Variants in CNTNAP2 observed in about 807,000 individuals in gnomAD.
The protein encoded by CNTNAP2 is contactin-associated protein-like 2.
CNTNAP2 carries 98 observed loss-of-function variants against 155.2 expected under a neutral mutation model. The observed-to-expected ratio is 0.63, with a 90% CI of 0.54 to 0.75. The LOEUF is 0.75. Ranked by LOEUF, CNTNAP2 falls within the 30% of genes least tolerant of loss-of-function variation. The pLI, the probability that CNTNAP2 is intolerant of heterozygous loss-of-function variation, is 0.00. For synonymous variants in CNTNAP2, 651 were observed against 631.2 expected, an observed-to-expected ratio of 1.03 and a Z score of -0.47; for missense variants, 1,727 against 1,688.1, an observed-to-expected ratio of 1.02 and a Z score of -0.40.
At chr7:147,606,661 A>T (rs1406686903) in intron 12 of CNTNAP2, among the ~76,000 whole-genome samples, 1 of 152,244 alleles carries the variant, frequency 6.6e-6, no homozygotes, top group Non-Finnish European at 1.5e-5. Flanking sequence ...ACCTTAACAG[A>T]GTAGTGGCTA....
intron 7 of CNTNAP2, among the ~76,000 whole-genome samples, chr7:147,130,011 T>C (rs1187792068): frequency 4.6e-5 from 7 of 152,154 alleles, no homozygotes; most frequent in Admixed American, 4.6e-4. Context: ...AGAACAATAC[T>C]GCAAGAAGGA....
At chr7:147,309,808 T>C (rs535847870) in intron 9 of CNTNAP2, among the ~76,000 whole-genome samples, 1 of 152,274 alleles carries the variant, frequency 6.6e-6, no homozygotes. Context: ...TCATGGGGGT[T>C]TGATGTACAG....
chr7:148,082,469 G>A (rs1345013382), intron 15 of CNTNAP2, among the ~76,000 whole-genome samples: 2 of 152,138 alleles, frequency 1.3e-5, no homozygotes, highest in Non-Finnish European at 2.9e-5. Flanking sequence ...AGGCATATGA[G>A]GCGAGGCTAG....
intron 21 of CNTNAP2, among the ~76,000 whole-genome samples, chr7:148,333,561 G>A (rs866518499): frequency 1.4e-4 from 22 of 152,134 alleles, no homozygotes; most frequent in African/African-American, 5.1e-4. Context: ...CCATCACTAC[G>A]AAAGGCTACC....
chr7:146,163,908 C>T (rs141203884), intron 1 of CNTNAP2, among the ~76,000 whole-genome samples: 1 of 152,250 alleles, frequency 6.6e-6, no homozygotes, highest in Non-Finnish European at 1.5e-5. Flanking sequence ...AGACCCAGCT[C>T]TCTTCAGACT....
chr7:148,300,981 A>G (rs555100782), intron 21 of CNTNAP2, among the ~76,000 whole-genome samples: 1 of 152,242 alleles, frequency 6.6e-6, no homozygotes, highest in Non-Finnish European at 1.5e-5. Context: ...ACTTAATGCC[A>G]CTGACTTGTA....
chr7:146,151,666 A>G (rs187897253), intron 1 of CNTNAP2, among the ~76,000 whole-genome samples: 2,111 of 63,992 alleles, frequency 0.033, 150 homozygotes, highest in African/African-American at 0.12. Flanking sequence ...ATATATATAT[A>G]TATATATATA....
intron 1 of CNTNAP2, among the ~76,000 whole-genome samples, chr7:146,210,311 G>A (rs972810726): frequency 2.6e-5 from 4 of 152,168 alleles, no homozygotes; most frequent in African/African-American, 9.7e-5. Flanking sequence ...CTTGAGTGAT[G>A]TAGTACACAA....
intron 3 of CNTNAP2, among the ~76,000 whole-genome samples, chr7:146,855,852 T>TATATATAC (rs1554401384): frequency 1.2e-4 from 12 of 100,050 alleles, no homozygotes; most frequent in Non-Finnish European, 1.5e-4. Context: ...TATATATATA[T>TATATATAC]ACACACTTAC....
intron 10 of CNTNAP2, among the ~76,000 whole-genome samples, chr7:147,410,289 C>T (rs546938073): frequency 5.3e-5 from 8 of 152,240 alleles, no homozygotes; most frequent in African/African-American, 1.7e-4. Flanking sequence ...AACACAGGAA[C>T]AGAAAACCAA....
chr7:146,715,253 A>T (rs1801166689), intron 1 of CNTNAP2, among the ~76,000 whole-genome samples: 1 of 152,024 alleles, frequency 6.6e-6, no homozygotes, highest in African/African-American at 2.4e-5. Flanking sequence ...TATTGCTTGA[A>T]CCCAGGAGGG....
At chr7:147,587,022 C>G (rs6963584) in intron 12 of CNTNAP2, among the ~76,000 whole-genome samples, 104,963 of 152,044 alleles carry the variant, frequency 0.69, 36,790 homozygotes, top group African/African-American at 0.81. Flanking sequence ...TACTGGCAAC[C>G]TAACAAACCA....
intron 1 of CNTNAP2, among the ~76,000 whole-genome samples, chr7:146,224,339 T>C (rs1799256309): frequency 6.6e-6 from 1 of 152,114 alleles, no homozygotes; most frequent in Non-Finnish European, 1.5e-5. Context: ...GACGGTTTTA[T>C]TGTAATACAA....
intron 21 of CNTNAP2, among the ~76,000 whole-genome samples, chr7:148,315,492 G>A (rs940306229): frequency 6.6e-6 from 1 of 152,112 alleles, no homozygotes; most frequent in Non-Finnish European, 1.5e-5. Context: ...AGTTAAGGCA[G>A]GAACAGGCCA....
At chr7:146,400,289 A>T (rs1328039767) in intron 1 of CNTNAP2, among the ~76,000 whole-genome samples, 2 of 151,928 alleles carry the variant, frequency 1.3e-5, no homozygotes, top group Non-Finnish European at 2.9e-5. Flanking sequence ...TATGAAAAAA[A>T]GGAGGCTGGG....
chr7:147,653,746 C>T (rs1795484535), intron 13 of CNTNAP2, among the ~76,000 whole-genome samples: 1 of 152,188 alleles, frequency 6.6e-6, no homozygotes, highest in South Asian at 2.1e-4. Context: ...CAGGTCTGTT[C>T]AGCCAGCCTG....
chr7:148,037,228 T>C (rs1356724248), intron 15 of CNTNAP2, among the ~76,000 whole-genome samples: 1 of 152,234 alleles, frequency 6.6e-6, no homozygotes, highest in Non-Finnish European at 1.5e-5. Context: ...AAGTCACTTA[T>C]ATCTTGCTCC....
At chr7:147,965,947 C>T (rs1801201651) in intron 14 of CNTNAP2, among the ~76,000 whole-genome samples, 2 of 152,140 alleles carry the variant, frequency 1.3e-5, no homozygotes, top group African/African-American at 4.8e-5. Flanking sequence ...AAACAAATAT[C>T]GATCATCCTA....
chr7:147,163,236 A>G (rs1233253344), intron 8 of CNTNAP2, among the ~76,000 whole-genome samples: 2 of 152,192 alleles, frequency 1.3e-5, no homozygotes, highest in Non-Finnish European at 2.9e-5. Flanking sequence ...AAAGGAATGG[A>G]TGGCTAGGCT....
Sources: allele counts gnomAD v4.1 joint callset (sites outside exome capture counted in the v4.1 genomes callset), GRCh38; gene constraint gnomAD v4.1.1; transcripts MANE v1.5; gene names NCBI Gene and HGNC (gene_info 2026-07-23, HGNC 2026-07-21).